ACP6: variants seen among roughly 807,000 people sequenced by gnomAD.
ACP6 encodes the protein lysophosphatidic acid phosphatase type 6.
A neutral mutation model predicts 48.1 loss-of-function variants in ACP6; 48 were observed. The ratio of observed to expected loss-of-function variants is 1.00; its 90% CI spans 0.79 to 1.27. ACP6 has a LOEUF of 1.27. Among genes scored for constraint, ACP6 ranks in the 50% most tolerant of loss-of-function variants. The probability of loss-of-function intolerance (pLI) is 0.00; values close to 1 mark genes in which losing one functional copy is unlikely to be tolerated. For missense variants in ACP6, 485 were observed against 529.1 expected (o/e 0.92, Z 0.82); for synonymous variants, 172 against 204.2 (o/e 0.84, Z 1.34).
At position 147,652,533 on chromosome 1, in the gene ACP6, C is replaced by G. The variant is rs1659982384; in HGVS notation, c.797G>C (p.Ser266Thr). Residue 266 changes from serine (S) to threonine (T), a missense_variant, in exon 7 of 10, where the codon AGC becomes ACC. Ser to Thr is a moderately conservative substitution (Grantham distance 58). Transcript: ENST00000583509. ...VAAEQAHNLP[S>T]CPMLKRFARM... ...TGCAAATCTCTTCAGCATGGGGCAG[C>G]TTGGGAGGTTGTGTGCCTGAAAGGG... is the stretch of plus-strand genomic sequence containing the variant. 6.2e-7 allele frequency: 1 copy of G among 1,614,064 alleles called. No individual in the cohort carries two copies. The highest frequency in any genetic ancestry group is 8.5e-7 in the Non-Finnish European group (1 of 1,180,008).
At chr1:147,661,330 GAGA>G (rs1553212701) in intron 1 of ACP6, among the ~76,000 whole-genome samples, 1 of 148,156 alleles carries the variant, frequency 6.7e-6, no homozygotes, top group Admixed American at 6.7e-5. Flanking sequence ...TTTTTTTTGA[GAGA>G]CAGGGTTTTG....
Position 147,652,568 on chromosome 1 carries a change from G to C in ACP6, c.781-19C>G, listed in dbSNP as rs191988244. 5 of 1,613,680 alleles carry C rather than the reference G, an allele frequency of 3.1e-6. No individual in the cohort carries two copies. The South Asian group carries it at 5.5e-5, about 18-fold the overall frequency. ...TGTGTGCCTGAAAGGGCCACATGTA[G>C]TTTTAGAAAAAAATGCTTCTTACCT... On this transcript the variant is annotated intron_variant, in intron 6 of 9. Coordinates refer to ENST00000583509, the MANE Select transcript of ACP6 (RefSeq NM_016361.5).
In ACP6 at chr1:147,642,674, CCAAGTGTCTGAG is replaced by C. The variant is rs1174918934; in HGVS notation, c.*4737_*4748del. ...CAGAGGGGATATGTCATTCAAATGT[CCAAGTGTCTGAG>C]CACTGGCATGCACTAGGCACTATTC... is the stretch of plus-strand genomic sequence containing the variant. On this transcript the variant is annotated 3_prime_UTR_variant, in exon 10 of 10. Coordinates refer to ENST00000583509, the MANE Select transcript of ACP6 (RefSeq NM_016361.5). 6.6e-6 allele frequency: 1 copy of C among 152,088 alleles called. No individual in the cohort carries two copies. Among genetic ancestry groups the C allele is most frequent in the Non-Finnish European group, 1.5e-5 (1 of 68,032 alleles). 9.4% of individuals were successfully genotyped at this position (152,088 alleles called of 1,614,324 possible). A position where few individuals can be genotyped will look rare whatever the true frequency, so the allele number is the denominator to read the frequency against.
intron 9 of ACP6, 153 bp from the exon 10 acceptor site, chr1:147,647,719 A>G (rs1345813058): frequency 5.1e-6 from 5 of 981,712 alleles, no homozygotes; most frequent in Non-Finnish European, 7.3e-6. Flanking sequence ...GTGAGCTTCC[A>G]GAATAAAAGC....
At chr1:147,641,701 A>G (rs1036992866), downstream of ACP6, among the ~76,000 whole-genome samples, 12 of 152,262 alleles carry the variant, frequency 7.9e-5, no homozygotes, top group East Asian at 2.3e-3. Flanking sequence ...AGGACAAATC[A>G]TCAGGTAGAT....
chr1:147,639,109 A>C (rs1038768664), downstream of ACP6, among the ~76,000 whole-genome samples: 31 of 152,296 alleles, frequency 2.0e-4, no homozygotes, highest in East Asian at 5.2e-3. Flanking sequence ...CTCTGACCTC[A>C]GCCTCTCAGA....
rs782739931 is a variant in ACP6, at chr1:147,647,436, C to T, written c.1274G>A (p.Gly425Glu). 5 of 1,614,116 alleles carry T rather than the reference C, an allele frequency of 3.1e-6. No homozygotes were observed. The highest frequency in any genetic ancestry group is 2.2e-5 in the South Asian group (2 of 91,072). The part of the protein sequence containing the change: ...LCSQTQVMEV[G>E]NEE Reference sequence around the variant, plus strand: ...TTTATAAATCAGTTACTCTTCATTTCCAACTTCCATCACCTGAGTTTGAGA... The same window carrying T: ...TTTATAAATCAGTTACTCTTCATTTTCAACTTCCATCACCTGAGTTTGAGA... The change falls in exon 10 of 10, where the codon GGA becomes GAA. Residue 425 changes from glycine (G) to glutamate (E), a missense_variant. Coordinates refer to ENST00000583509, the MANE Select transcript of ACP6 (RefSeq NM_016361.5).
At chr1:147,638,034 T>G (rs587651295), downstream of ACP6, among the ~76,000 whole-genome samples, 23 of 152,334 alleles carry the variant, frequency 1.5e-4, no homozygotes, top group African/African-American at 5.3e-4. Context: ...AATTAGTTTC[T>G]TTATTAATTC....
chr1:147,665,992 T>C (rs922559772), intron 1 of ACP6, among the ~76,000 whole-genome samples: 4 of 152,318 alleles, frequency 2.6e-5, no homozygotes, highest in Non-Finnish European at 5.9e-5. Flanking sequence ...AATTAAAATA[T>C]AGTAAGACAA....
rs1553212172 is a variant in ACP6 at position 147,658,995 on chromosome 1, C to A, written c.524G>T (p.Cys175Phe). The A allele has an allele frequency of 2.5e-6, 4 of 1,612,298 alleles. No homozygotes were observed. Among genetic ancestry groups the A allele is most frequent in the Non-Finnish European group, 3.4e-6 (4 of 1,179,032 alleles). Residue 175 changes from cysteine (C) to phenylalanine (F), a missense_variant, in exon 4 of 10, where the codon TGT becomes TTT. Transcript: ENST00000583509. The part of the protein sequence containing the change: ...NIFRNLESTR[C>F]LLAGLFQCQK... ...ACACTGGAAAAGCCCAGCCAGCAAA[C>A]AACGGGTGGACTCCAGATTCCGAAA...
At chr1:147,641,200 G>A (rs1275074309), downstream of ACP6, among the ~76,000 whole-genome samples, 1 of 146,032 alleles carries the variant, frequency 6.8e-6, no homozygotes, top group Non-Finnish European at 1.5e-5. Flanking sequence ...AAAGACCTGA[G>A]TTTCCTACAA....
chr1:147,667,756 T>C (rs1013393733), intron 1 of ACP6, among the ~76,000 whole-genome samples: 1 of 152,010 alleles, frequency 6.6e-6, no homozygotes, highest in African/African-American at 2.4e-5. Flanking sequence ...TTTGGGAGAC[T>C]TGAAGCAGGC....
intron 1 of ACP6, among the ~76,000 whole-genome samples, chr1:147,666,393 G>A (rs1407615156): frequency 6.6e-6 from 1 of 152,172 alleles, no homozygotes; most frequent in Non-Finnish European, 1.5e-5. Context: ...ACATTTCAGC[G>A]AAGGCAATTC....
At chr1:147,635,415 TTC>T (rs1659271682) in intron 5 of ACP6, among the ~76,000 whole-genome samples, 1 of 152,328 alleles carries the variant, frequency 6.6e-6, no homozygotes, top group East Asian at 1.9e-4. Flanking sequence ...TGCTTTCATT[TTC>T]TCTCTCTCCT....
intron 3 of ACP6, 50 bp downstream of exon 3, chr1:147,659,346 C>T: frequency 6.3e-7 from 1 of 1,594,508 alleles, no homozygotes; most frequent in Non-Finnish European, 8.5e-7. Flanking sequence ...CAGGTATCCT[C>T]ATGTTCAAGA....
chr1:147,652,605 C>T (rs770143864), intron 6 of ACP6, 56 bp from the exon 7 acceptor site: 3 of 1,611,994 alleles, frequency 1.9e-6, no homozygotes, highest in East Asian at 2.2e-5. Context: ...CTGATTCTGG[C>T]AGCTGATCAG....
At chr1:147,665,209 C>A (rs1660738258) in intron 1 of ACP6, among the ~76,000 whole-genome samples, 1 of 152,194 alleles carries the variant, frequency 6.6e-6, no homozygotes, top group Non-Finnish European at 1.5e-5. Context: ...CAGAATAAAT[C>A]TGAAACCTGG....
At chr1:147,630,331 C>T (rs1553207192) in exon 6 of ACP6, 1 of 152,272 alleles carries the variant, frequency 6.6e-6, no homozygotes, top group Non-Finnish European at 1.5e-5. Flanking sequence ...AGGCTGGAGC[C>T]AGGGTCAAGG....
chr1:147,660,625 C>T (rs3820127), intron 1 of ACP6, among the ~76,000 whole-genome samples: 14,972 of 152,232 alleles, frequency 0.098, 1,026 homozygotes, highest in East Asian at 0.33. Flanking sequence ...CTTCCATTAT[C>T]TTATTGTAGA....
Sources: gnomAD v4.1 joint callset for allele counts (sites outside exome capture counted in the v4.1 genomes callset) on GRCh38, gnomAD v4.1.1 for gene constraint, MANE v1.5 for transcripts, NCBI Gene and HGNC (gene_info 2026-07-23, HGNC 2026-07-21) for gene names.